The following CSTPP1 variants were observed in gnomAD, a reference collection of about 807,000 sequenced individuals.
The protein encoded by CSTPP1 is UPF0705 protein C11orf49.
chr11:47,105,955 G>A, the CSTPP1 span, among the ~76,000 whole-genome samples: 1 of 152,150 alleles, frequency 6.6e-6, no homozygotes, highest in Non-Finnish European at 1.5e-5. Context: ...TTTTAGAAAG[G>A]AAACTTTCAT....
the CSTPP1 span, among the ~76,000 whole-genome samples, chr11:47,074,079 C>G: frequency 3.9e-5 from 6 of 152,146 alleles, no homozygotes; most frequent in East Asian, 7.7e-4. Flanking sequence ...TGGTGCACAC[C>G]TGTAATCCCA....
the CSTPP1 span, among the ~76,000 whole-genome samples, chr11:47,118,567 G>C: frequency 6.6e-6 from 1 of 152,152 alleles, no homozygotes; most frequent in African/African-American, 2.4e-5. Flanking sequence ...TTCTGCTCTG[G>C]TTTCTCCCCA....
At chr11:47,162,008 A>G in the CSTPP1 span, 10 of 1,015,480 alleles carry the variant, frequency 9.8e-6, no homozygotes, top group Non-Finnish European at 1.2e-5. Context: ...CAACTCCATT[A>G]AGGGGGAGAA....
chr11:47,090,332 C>A, the CSTPP1 span, among the ~76,000 whole-genome samples: 1 of 152,192 alleles, frequency 6.6e-6, no homozygotes, highest in South Asian at 2.1e-4. Context: ...AGAAAATGAG[C>A]AGTATGCACA....
the CSTPP1 span, among the ~76,000 whole-genome samples, chr11:46,968,626 C>T: frequency 2.3e-4 from 35 of 151,808 alleles, no homozygotes; most frequent in Non-Finnish European, 4.3e-4. Context: ...TTCTGCTGGG[C>T]GCAGTGGCTC....
chr11:46,970,315 C>G, the CSTPP1 span, among the ~76,000 whole-genome samples: 1 of 151,570 alleles, frequency 6.6e-6, no homozygotes, highest in African/African-American at 2.4e-5. Flanking sequence ...CTGTGACAAA[C>G]TAAGTGTAAC....
At chr11:47,004,092 A>G in the CSTPP1 span, among the ~76,000 whole-genome samples, 1 of 151,330 alleles carries the variant, frequency 6.6e-6, no homozygotes, top group African/African-American at 2.4e-5. Context: ...AAATGGCATC[A>G]GAGTTGAAGA....
the CSTPP1 span, among the ~76,000 whole-genome samples, chr11:47,053,619 C>CAA: frequency 5.2e-5 from 5 of 96,592 alleles, no homozygotes; most frequent in Admixed American, 1.2e-4. Flanking sequence ...GACTCTGCCT[C>CAA]AAAAAAAAAA....
chr11:47,142,619 T>C, the CSTPP1 span, among the ~76,000 whole-genome samples: 1 of 152,126 alleles, frequency 6.6e-6, no homozygotes, highest in Non-Finnish European at 1.5e-5. Context: ...TGACCTCTTT[T>C]CCCTTTCCCA....
At chr11:47,115,074 T>A in the CSTPP1 span, among the ~76,000 whole-genome samples, 1 of 152,232 alleles carries the variant, frequency 6.6e-6, no homozygotes, top group Non-Finnish European at 1.5e-5. Context: ...CTTTTCTGCA[T>A]CTATTGAGAT....
chr11:47,139,786 C>A, the CSTPP1 span, among the ~76,000 whole-genome samples: 10 of 151,948 alleles, frequency 6.6e-5, no homozygotes, highest in African/African-American at 2.4e-4. Context: ...CAATGTTGTG[C>A]GAATATACTG....
At chr11:47,088,642 G>A in the CSTPP1 span, among the ~76,000 whole-genome samples, 1 of 152,142 alleles carries the variant, frequency 6.6e-6, no homozygotes, top group Admixed American at 6.5e-5. Flanking sequence ...CACCTCCTGG[G>A]TTCAAGCGAT....
the CSTPP1 span, chr11:47,157,852 T>A: frequency 1.9e-6 from 3 of 1,614,106 alleles, no homozygotes; most frequent in East Asian, 6.7e-5. Flanking sequence ...CCCTCAGCAA[T>A]GTTCAGAGAC....
At chr11:46,996,310 A>AT in the CSTPP1 span, among the ~76,000 whole-genome samples, 50,592 of 147,226 alleles carry the variant, frequency 0.34, 10,145 homozygotes, top group Non-Finnish European at 0.44. Flanking sequence ...ATTTTATTTT[A>AT]TTTTTTTTTT....
chr11:46,943,422 A>G, the CSTPP1 span, among the ~76,000 whole-genome samples: 2 of 152,136 alleles, frequency 1.3e-5, no homozygotes, highest in Non-Finnish European at 2.9e-5. Context: ...GCAACTCCCA[A>G]AGTGGGGCTC....
chr11:47,131,722 AT>A, the CSTPP1 span, among the ~76,000 whole-genome samples: 3 of 152,176 alleles, frequency 2.0e-5, no homozygotes, highest in African/African-American at 7.2e-5. Flanking sequence ...CATGCCTGTA[AT>A]CCCAGCACTT....
chr11:46,968,814 G>A, the CSTPP1 span, among the ~76,000 whole-genome samples: 7 of 151,602 alleles, frequency 4.6e-5, no homozygotes, highest in Admixed American at 6.6e-5. Flanking sequence ...CAGGAGAATC[G>A]CTTGAACCCG....
At chr11:47,119,730 G>C in the CSTPP1 span, among the ~76,000 whole-genome samples, 2 of 146,522 alleles carry the variant, frequency 1.4e-5, no homozygotes, top group South Asian at 4.3e-4. Flanking sequence ...TCCTGCCTCA[G>C]CCTCCCGAGT....
At chr11:47,045,862 C>G in the CSTPP1 span, among the ~76,000 whole-genome samples, 1 of 152,042 alleles carries the variant, frequency 6.6e-6, no homozygotes, top group Non-Finnish European at 1.5e-5. Flanking sequence ...TCTAGGCTCA[C>G]TGCAACCTCC....
Sources: allele counts gnomAD v4.1 joint callset (sites outside exome capture counted in the v4.1 genomes callset), GRCh38; gene constraint gnomAD v4.1.1; transcripts MANE v1.5; gene names NCBI Gene and HGNC (gene_info 2026-07-23, HGNC 2026-07-21).